APBA1: variants seen among roughly 807,000 people sequenced by gnomAD.
APBA1 encodes the protein amyloid-beta A4 precursor protein-binding family A member 1.
In APBA1, 55 loss-of-function variants were observed where a neutral mutation model predicts 86.6. The observed-to-expected ratio is 0.64, with a 90% CI of 0.51 to 0.80. The LOEUF is 0.80. APBA1 is among the 30% of genes least tolerant of loss of function. APBA1 has a pLI of 0.00. For synonymous variants in APBA1, 511 were observed against 493.9 expected (o/e 1.03, Z -0.46); for missense variants, 1,090 against 1,183.0 (o/e 0.92, Z 1.15).
At chr9:69,494,873 A>G (rs1213803333) in intron 2 of APBA1, among the ~76,000 whole-genome samples, 1 of 152,174 alleles carries the variant, frequency 6.6e-6, no homozygotes, top group East Asian at 1.9e-4. Flanking sequence ...CAGGCACTGT[A>G]CAAGGGTACA....
intron 4 of APBA1, 136 bp downstream of exon 4, chr9:69,471,520 G>A: frequency 1.4e-6 from 1 of 740,484 alleles, no homozygotes; most frequent in Non-Finnish European, 2.3e-6. Flanking sequence ...AAGATCCTAA[G>A]ACTGCTAACA....
chr9:69,593,813 C>T (rs534812481), intron 1 of APBA1, among the ~76,000 whole-genome samples: 31 of 152,194 alleles, frequency 2.0e-4, no homozygotes, highest in Middle Eastern at 3.4e-3. Context: ...AAAAAGGAAA[C>T]CTTTTATTAG....
At chr9:69,559,893 A>G (rs1836921796) in intron 1 of APBA1, among the ~76,000 whole-genome samples, 1 of 152,220 alleles carries the variant, frequency 6.6e-6, no homozygotes, top group Middle Eastern at 3.2e-3. Context: ...TCAATCCAAC[A>G]TACATCTTTC....
chr9:69,538,713 A>G (rs973044317), intron 1 of APBA1, among the ~76,000 whole-genome samples: 4 of 152,212 alleles, frequency 2.6e-5, no homozygotes, highest in African/African-American at 2.4e-5. Flanking sequence ...AAACTTCTAT[A>G]AACTGCCCAG....
At chr9:69,497,241 G>A (rs114170024) in intron 2 of APBA1, among the ~76,000 whole-genome samples, 2,005 of 152,048 alleles carry the variant, frequency 0.013, 53 homozygotes, top group African/African-American at 0.046. Flanking sequence ...GCACAAAGGC[G>A]GTTGAGATGG....
At chr9:69,586,596 G>A (rs1822024102) in intron 1 of APBA1, among the ~76,000 whole-genome samples, 1 of 152,170 alleles carries the variant, frequency 6.6e-6, no homozygotes, top group African/African-American at 2.4e-5. Flanking sequence ...GTGCTCTCAT[G>A]AGGACACTGC....
chr9:69,431,103 C>T lies in APBA1; in HGVS notation c.*224G>A. ...TACCAGGTGGGTGCTGGCTGCTCTC[C>T]ATCCTCAAGGGAGTGCATACGAAAC... On this transcript the variant is annotated 3_prime_UTR_variant, in exon 13 of 13. Coordinates refer to ENST00000265381, the MANE Select transcript of APBA1 (RefSeq NM_001163.4). 2.2e-6 allele frequency: 1 copy of T among 461,826 alleles called. No homozygotes were observed. Among genetic ancestry groups the T allele is most frequent in the Non-Finnish European group, 3.8e-6 (1 of 265,354 alleles). 28.6% of individuals were successfully genotyped at this position (461,826 alleles called of 1,614,324 possible). A position where few individuals can be genotyped will look rare whatever the true frequency, so the allele number is the denominator to read the frequency against.
chr9:69,466,056 C>T (rs1308681976), intron 5 of APBA1, among the ~76,000 whole-genome samples: 1 of 152,208 alleles, frequency 6.6e-6, no homozygotes, highest in African/African-American at 2.4e-5. Context: ...ACATCGTAGT[C>T]ATGTCAAAAG....
Position 69,484,279 on chromosome 9 carries a change from C to T in APBA1, c.1201-8136G>A, listed in dbSNP as rs1406309555. ...GGATGATGTAAGAAGACAGGTTATA[C>T]AGAGAGCAGGGGCATGGAAGAGGGA... On this transcript the variant is annotated intron_variant, in intron 2 of 12. Transcript: ENST00000265381. 2.6e-5 allele frequency among the ~76,000 whole-genome samples: 4 copies of T among 152,186 alleles called. No homozygotes were observed. The East Asian group carries it at 7.7e-4, about 29-fold the overall frequency.
intron 2 of APBA1, among the ~76,000 whole-genome samples, chr9:69,511,826 G>A (rs1469667802): frequency 6.7e-6 from 1 of 150,002 alleles, no homozygotes; most frequent in Non-Finnish European, 1.5e-5. Flanking sequence ...CGCAAGAACA[G>A]AAAACCAAAC....
At chr9:69,444,728 C>T (rs1834879744) in intron 10 of APBA1, among the ~76,000 whole-genome samples, 1 of 152,206 alleles carries the variant, frequency 6.6e-6, no homozygotes. Context: ...GACATTCATG[C>T]AGATATTTTT....
Position 69,430,112 on chromosome 9 carries a change from G to A in APBA1, c.*1215C>T, listed in dbSNP as rs1834562705. ...ATCTGGGGATTCTGAGGCATAACTTGAGGTTGCTATTGTCTCCTTAATTTT... is the reference window on the plus strand; with the variant it reads ...ATCTGGGGATTCTGAGGCATAACTTAAGGTTGCTATTGTCTCCTTAATTTT... On this transcript the variant is annotated 3_prime_UTR_variant, in exon 13 of 13. Transcript: ENST00000265381. The A allele has an allele frequency of 6.6e-6, 1 of 152,194 alleles. No individual in the cohort carries two copies. Among genetic ancestry groups the A allele is most frequent in the Non-Finnish European group, 1.5e-5 (1 of 68,042 alleles). 9.4% of individuals were successfully genotyped at this position (152,194 alleles called of 1,614,324 possible).
Position 69,637,269 on chromosome 9 carries a change from T to C in APBA1, c.-70+34884A>G, listed in dbSNP as rs142582336. Among the ~76,000 whole-genome samples the C allele has an allele frequency of 3.6e-3, 545 of 152,224 alleles. 1 individual carries two copies. Among genetic ancestry groups the C allele is most frequent in the African/African-American group, 0.012 (515 of 41,564 alleles). ...GGGATGATTAATGGACACAAAAATA[T>C]AGTTAGATAGAATAAATAAGATCTA... is the stretch of plus-strand genomic sequence containing the variant. On this transcript the variant is annotated intron_variant, in intron 1 of 12. Coordinates refer to ENST00000265381, the MANE Select transcript of APBA1 (RefSeq NM_001163.4).
At chr9:69,622,661 C>T (rs977468909) in intron 1 of APBA1, among the ~76,000 whole-genome samples, 1 of 151,996 alleles carries the variant, frequency 6.6e-6, no homozygotes, top group Non-Finnish European at 1.5e-5. Context: ...GGAAATAAGG[C>T]CTTATTTGAA....
chr9:69,538,377 T>TG (rs1291072309), intron 1 of APBA1, among the ~76,000 whole-genome samples: 1 of 152,252 alleles, frequency 6.6e-6, no homozygotes, highest in Non-Finnish European at 1.5e-5. Context: ...AAATCTGTGC[T>TG]GATTTTCCCT....
intron 1 of APBA1, among the ~76,000 whole-genome samples, chr9:69,669,338 G>A (rs577060391): frequency 4.5e-4 from 68 of 152,050 alleles, no homozygotes; most frequent in African/African-American, 1.4e-3. Context: ...TAAGTCTTCC[G>A]AAACAAACAA....
intron 1 of APBA1, among the ~76,000 whole-genome samples, chr9:69,658,274 T>TTCTCTCTCTC (rs1491574165): frequency 7.8e-4 from 53 of 68,296 alleles, no homozygotes; most frequent in African/African-American, 1.1e-3. Context: ...CTTTCTTTCT[T>TTCTCTCTCTC]TCTTTCTTTC....
intron 11 of APBA1, among the ~76,000 whole-genome samples, chr9:69,436,114 G>A (rs564873620): frequency 6.7e-6 from 1 of 149,716 alleles, no homozygotes; most frequent in Admixed American, 6.7e-5. Context: ...ATTTCTGAGG[G>A]CTCTGTTCTG....
At chr9:69,452,910 T>G (rs1274885059) in intron 8 of APBA1, among the ~76,000 whole-genome samples, 1 of 152,224 alleles carries the variant, frequency 6.6e-6, no homozygotes, top group Admixed American at 6.5e-5. Context: ...TGTGCTGTCA[T>G]GCATGGTGAT....
Sources: gnomAD v4.1 joint callset for allele counts (sites outside exome capture counted in the v4.1 genomes callset) on GRCh38, gnomAD v4.1.1 for gene constraint, MANE v1.5 for transcripts, NCBI Gene and HGNC (gene_info 2026-07-23, HGNC 2026-07-21) for gene names.